Variants in SLC5A10 observed in about 807,000 individuals in gnomAD.
SLC5A10 encodes solute carrier family 5 member 10, also known as sodium/mannose cotransporter SLC5A10.
SLC5A10 carries 55 observed loss-of-function variants against 68.9 expected under a neutral mutation model. The ratio of observed to expected loss-of-function variants is 0.80; its 90% confidence interval spans 0.64 to 1.00. The LOEUF (loss-of-function observed/expected upper bound fraction) is 1.00. Among genes scored for constraint, SLC5A10 ranks in the 50% least tolerant of loss-of-function variants. SLC5A10 has a pLI of 0.00. For synonymous variants in SLC5A10, 344 were observed against 344.8 expected, an observed-to-expected ratio of 1.00 and a Z score of 0.02; for missense variants, 732 against 819.3, an observed-to-expected ratio of 0.89 and a Z score of 1.30.
chr17:18,994,251 T>C (rs1205862489), intron 9 of SLC5A10, among the ~76,000 whole-genome samples: 1 of 152,180 alleles, frequency 6.6e-6, no homozygotes, highest in African/African-American at 2.4e-5. Context: ...CAGGCTTCAA[T>C]CAGCACAGCG....
chr17:18,997,729 C>A (rs2043602981), intron 9 of SLC5A10, among the ~76,000 whole-genome samples: 1 of 152,164 alleles, frequency 6.6e-6, no homozygotes, highest in East Asian at 1.9e-4. Context: ...TGAACTTCTC[C>A]CAGGACAGGG....
At chr17:18,977,310 C>A (rs2043004618) in intron 9 of SLC5A10, 4 of 580,264 alleles carry the variant, frequency 6.9e-6, no homozygotes, top group Non-Finnish European at 1.2e-5. Context: ...CCTCTAACCA[C>A]AGGCTTTGGA....
intron 9 of SLC5A10, among the ~76,000 whole-genome samples, chr17:18,994,345 C>T (rs762271683): frequency 5.9e-5 from 9 of 152,182 alleles, no homozygotes; most frequent in East Asian, 1.9e-4. Context: ...GGGGCGCCCC[C>T]GTGGAGTCTT....
intron 9 of SLC5A10, chr17:18,977,210 CA>C: frequency 1.6e-6 from 1 of 642,358 alleles, no homozygotes; most frequent in Non-Finnish European, 2.6e-6. Context: ...TGTGTGACCT[CA>C]AGGCTGTAAA....
chr17:18,953,668 G>A (rs2042424512), intron 1 of SLC5A10: 1 of 152,578 alleles, frequency 6.6e-6, no homozygotes, highest in African/African-American at 2.4e-5. Flanking sequence ...TAGCAGTGGT[G>A]ATTATAAGAG....
intron 9 of SLC5A10, chr17:18,978,841 C>T: frequency 6.2e-7 from 1 of 1,611,728 alleles, no homozygotes; most frequent in South Asian, 1.1e-5. Context: ...GCGCGGCCGA[C>T]CACGTGAAGC....
chr17:19,003,418 A>G lies in SLC5A10; in HGVS notation c.983-9992A>G. On this transcript the variant is annotated intron_variant, in intron 9 of 14. Transcript: ENST00000395645. This position sits in a 1 kb window ranked among gnomAD's most constrained non-coding sequence, Gnocchi z 4.5. Reference sequence around the variant, plus strand: ...AGGGAAAACAGCAGAGATCCCTAGAAGCCCATGTTGGGCTCCCGTTTTGGG... The same window carrying G: ...AGGGAAAACAGCAGAGATCCCTAGAGGCCCATGTTGGGCTCCCGTTTTGGG... 7.9e-7 allele frequency: 1 copy of G among 1,270,650 alleles called. No individual in the cohort carries two copies. Among genetic ancestry groups the G allele is most frequent in the Non-Finnish European group, 1.0e-6 (1 of 961,534 alleles). The allele number at this position is 1,270,650 out of a possible 1,614,324, so 78.7% of individuals were successfully genotyped here. A position where few individuals can be genotyped will look rare whatever the true frequency, so the allele number is the denominator to read the frequency against.
rs74515262 is a variant in SLC5A10 at position 18,980,931 on chromosome 17, C to T, written c.982+3942C>T. ...CTGTGATGGGAGTCTCACTCCCTCCCGAGGGGCTCTGTGCCGGCTTCTGGC... is the reference window on the plus strand; with the variant it reads ...CTGTGATGGGAGTCTCACTCCCTCCTGAGGGGCTCTGTGCCGGCTTCTGGC... On this transcript the variant is annotated intron_variant, in intron 9 of 14. Coordinates refer to ENST00000395645, the MANE Select transcript of SLC5A10 (RefSeq NM_001042450.4). 1.8e-3 allele frequency among the ~76,000 whole-genome samples: 276 copies of T among 152,202 alleles called. 1 individual carries two copies. The highest frequency in any genetic ancestry group is 5.3e-3 in the African/African-American group (219 of 41,524).
intron 9 of SLC5A10, among the ~76,000 whole-genome samples, chr17:18,989,571 T>C (rs1479850474): frequency 6.6e-6 from 1 of 152,218 alleles, no homozygotes; most frequent in Admixed American, 6.5e-5. Context: ...GACCCAGTTT[T>C]CTCATCAGTA....
chr17:18,970,678 G>A (rs533493243), intron 7 of SLC5A10: 39 of 332,234 alleles, frequency 1.2e-4, no homozygotes, highest in African/African-American at 7.1e-4. Flanking sequence ...ATCGACAATC[G>A]GAAACCTGGC....
At chr17:18,965,690 C>T (rs1177688978) in intron 5 of SLC5A10, among the ~76,000 whole-genome samples, 1 of 152,240 alleles carries the variant, frequency 6.6e-6, no homozygotes, top group East Asian at 1.9e-4. Context: ...GCCTTGCTCC[C>T]TCCCTGTGTA....
At chr17:18,965,646 A>G (rs1657673991) in intron 5 of SLC5A10, among the ~76,000 whole-genome samples, 1 of 152,142 alleles carries the variant, frequency 6.6e-6, no homozygotes, top group African/African-American at 2.4e-5. Context: ...GATCAGTCCC[A>G]CGCTGCACCA....
At position 18,968,688 on chromosome 17, in the gene SLC5A10, C is replaced by G. The variant is rs1359278986; in HGVS notation, c.454-364C>G. On this transcript the variant is annotated intron_variant, in intron 5 of 14. Coordinates refer to ENST00000395645, the MANE Select transcript of SLC5A10 (RefSeq NM_001042450.4). The surrounding 1 kb of genome is among the most constrained non-coding windows in gnomAD (Gnocchi z 4.1). ...TTTTCCTGAGGCCTACTGGTCTTCA[C>G]AGACTCCTCACAAACTCATCAAGGT... 8.5e-6 allele frequency: 2 copies of G among 234,188 alleles called. No individual in the cohort carries two copies. Among genetic ancestry groups the G allele is most frequent in the South Asian group, 1.8e-4 (2 of 10,894 alleles). The allele number at this position is 234,188 out of a possible 1,614,324, so 14.5% of individuals were successfully genotyped here. A position where few individuals can be genotyped will look rare whatever the true frequency, so the allele number is the denominator to read the frequency against.
Position 18,971,869 on chromosome 17 carries a change from C to G in SLC5A10, c.846+651C>G. ...GGGTTCGCCTCCTGGCTCTGCCATT[C>G]ACCAGGGAGTGGGCCTAGACCAGTT... On this transcript the variant is annotated intron_variant, in intron 8 of 14. Coordinates refer to ENST00000395645, the MANE Select transcript of SLC5A10 (RefSeq NM_001042450.4). The surrounding 1 kb of genome is among the most constrained non-coding windows in gnomAD (Gnocchi z 5.5). 1.8e-6 allele frequency: 2 copies of G among 1,086,570 alleles called. No homozygotes were observed. The highest frequency in any genetic ancestry group is 3.3e-5 in the South Asian group (2 of 60,420). 67.3% of individuals were successfully genotyped at this position (1,086,570 alleles called of 1,614,324 possible).
chr17:18,991,405 A>G (rs151325911), intron 9 of SLC5A10, among the ~76,000 whole-genome samples: 1 of 152,280 alleles, frequency 6.6e-6, no homozygotes, highest in East Asian at 1.9e-4. Flanking sequence ...CAGTTCACAC[A>G]TTGTCAGAGC....
At chr17:18,990,734 G>T (rs1389439355) in intron 9 of SLC5A10, among the ~76,000 whole-genome samples, 1 of 152,248 alleles carries the variant, frequency 6.6e-6, no homozygotes, top group Non-Finnish European at 1.5e-5. Context: ...TCAGTGCCTA[G>T]GGTGGTCAGA....
chr17:18,965,509 C>T (rs2042691876), intron 5 of SLC5A10, among the ~76,000 whole-genome samples: 1 of 152,212 alleles, frequency 6.6e-6, no homozygotes, highest in Non-Finnish European at 1.5e-5. Flanking sequence ...AGTACCAGGG[C>T]CGGTTCCCAG....
chr17:18,962,402 G>A (rs1024294029), intron 5 of SLC5A10, among the ~76,000 whole-genome samples: 5 of 152,288 alleles, frequency 3.3e-5, no homozygotes, highest in African/African-American at 4.8e-5. Context: ...GAGTCACTAA[G>A]TCAGACACTT....
At chr17:18,955,537 G>A in intron 1 of SLC5A10, among the ~76,000 whole-genome samples, 1 of 152,234 alleles carries the variant, frequency 6.6e-6, no homozygotes, top group East Asian at 1.9e-4. Context: ...CCAGATATAA[G>A]AAGGCAACTG....
Sources: gnomAD v4.1 joint callset for allele counts (sites outside exome capture counted in the v4.1 genomes callset) on GRCh38, gnomAD v4.1.1 for gene constraint, Gnocchi (gnomAD v3.1) non-coding constraint, MANE v1.5 for transcripts, NCBI Gene and HGNC (gene_info 2026-07-23, HGNC 2026-07-21) for gene names.